The following NDST4 variants were observed in gnomAD, a reference collection of about 807,000 sequenced individuals.
The protein encoded by NDST4 is N-heparan sulfate sulfotransferase 4.
A neutral mutation model predicts 100.8 loss-of-function variants in NDST4; 63 were observed. That is an observed-to-expected ratio of 0.62 (90% CI 0.51 to 0.77). NDST4 has a LOEUF of 0.77. NDST4 is among the 30% of genes least tolerant of loss of function. The probability of loss-of-function intolerance (pLI) is 0.00; values close to 1 mark genes in which losing one functional copy is unlikely to be tolerated. For synonymous variants in NDST4, 377 were observed against 361.8 expected (o/e 1.04, Z -0.48); for missense variants, 943 against 1,018.4 (o/e 0.93, Z 1.01).
intron 1 of NDST4, among the ~76,000 whole-genome samples, chr4:115,100,657 A>G (rs1578521451): frequency 6.6e-6 from 1 of 152,226 alleles, no homozygotes; most frequent in East Asian, 1.9e-4. Flanking sequence ...TATTTCCTTA[A>G]TAACATTAAA....
chr4:115,016,342 C>G (rs1034804124), intron 2 of NDST4, among the ~76,000 whole-genome samples: 18 of 152,062 alleles, frequency 1.2e-4, no homozygotes, highest in African/African-American at 4.1e-4. Flanking sequence ...CTGCTTATCC[C>G]ATAGACAGAA....
At chr4:114,922,564 C>T (rs918033902) in intron 6 of NDST4, among the ~76,000 whole-genome samples, 1 of 152,176 alleles carries the variant, frequency 6.6e-6, no homozygotes, top group Non-Finnish European at 1.5e-5. Flanking sequence ...TGTTCCTGCT[C>T]TAAAGCTTTT....
chr4:115,086,479 A>C (rs1729412263), intron 1 of NDST4, among the ~76,000 whole-genome samples: 1 of 152,042 alleles, frequency 6.6e-6, no homozygotes, highest in African/African-American at 2.4e-5. Context: ...CATAATATAA[A>C]TTTATTTTAG....
chr4:114,988,038 T>G (rs555396404), intron 2 of NDST4, among the ~76,000 whole-genome samples: 250 of 152,238 alleles, frequency 1.6e-3, no homozygotes, highest in African/African-American at 5.9e-3. Context: ...TACAAAGGAG[T>G]GTTTTTCCAT....
rs748576362 is a variant in NDST4 at position 114,848,287 on chromosome 4, T to C, written c.1868A>G (p.Asn623Ser). The C allele has an allele frequency of 1.2e-5, 20 of 1,608,694 alleles. No individual in the cohort carries two copies. The highest frequency in any genetic ancestry group is 1.7e-5 in the Admixed American group (1 of 59,172). Residue 623 changes from asparagine to serine, a missense_variant, in exon 9 of 14, where the codon AAT (asparagine) becomes AGT (serine). Asn to Ser is a conservative substitution (Grantham distance 46, BLOSUM62 1). Transcript: ENST00000264363. ...FLLMHPSIIS[N>S]LPSPKTFEEV... ...CTCAAATGTCTTTGGACTAGGGAGA[T>C]TGCTGATGATTGAAGGATGCATAAG...
chr4:114,909,403 G>A (rs1042003816), intron 6 of NDST4, among the ~76,000 whole-genome samples: 6 of 152,010 alleles, frequency 3.9e-5, no homozygotes, highest in Admixed American at 3.9e-4. Flanking sequence ...GCTCACGCCT[G>A]TAATCCCAGC....
chr4:115,060,638 T>C (rs1216300635), intron 2 of NDST4, among the ~76,000 whole-genome samples: 2 of 151,928 alleles, frequency 1.3e-5, no homozygotes, highest in Non-Finnish European at 2.9e-5. Flanking sequence ...CCACCTTAGG[T>C]ATATGTTAAA....
intron 6 of NDST4, among the ~76,000 whole-genome samples, chr4:114,926,712 A>G (rs1028413986): frequency 1.1e-4 from 17 of 152,114 alleles, no homozygotes; most frequent in Non-Finnish European, 2.9e-5. Flanking sequence ...TTGTTGTGGC[A>G]TTTGCCTTTT....
intron 2 of NDST4, among the ~76,000 whole-genome samples, chr4:115,005,766 C>T (rs1727399865): frequency 6.6e-6 from 1 of 151,538 alleles, no homozygotes; most frequent in Non-Finnish European, 1.5e-5. Context: ...GGGGGCAATC[C>T]AGAAAAAATA....
chr4:114,829,663 T>A (rs868382677), intron 13 of NDST4, 127 bp downstream of exon 13: 5 of 608,094 alleles, frequency 8.2e-6, no homozygotes, highest in African/African-American at 3.7e-5. Context: ...TATCATCCTC[T>A]AAGTATATAA....
chr4:115,071,607 C>G (rs779669405), intron 2 of NDST4, among the ~76,000 whole-genome samples: 1 of 151,688 alleles, frequency 6.6e-6, no homozygotes, highest in Non-Finnish European at 1.5e-5. Context: ...TATTGAACAC[C>G]TCTTTTATAC....
intron 2 of NDST4, among the ~76,000 whole-genome samples, chr4:115,014,529 G>C (rs926515489): frequency 4.6e-5 from 7 of 152,048 alleles, no homozygotes; most frequent in African/African-American, 1.7e-4. Context: ...CCAGCACATT[G>C]ACTTAATGAC....
intron 2 of NDST4, among the ~76,000 whole-genome samples, chr4:115,063,966 C>G (rs771991222): frequency 3.3e-5 from 5 of 151,884 alleles, no homozygotes; most frequent in Non-Finnish European, 5.9e-5. Context: ...CAAGAAATTG[C>G]TCTCAGCTCC....
chr4:114,973,062 A>G (rs973029243), intron 3 of NDST4, among the ~76,000 whole-genome samples: 1 of 152,054 alleles, frequency 6.6e-6, no homozygotes, highest in Non-Finnish European at 1.5e-5. Context: ...CAAACCTTTG[A>G]CACTGGAAAC....
chr4:114,924,915 C>T (rs1214316928), intron 6 of NDST4, among the ~76,000 whole-genome samples: 4 of 151,948 alleles, frequency 2.6e-5, no homozygotes, highest in African/African-American at 9.7e-5. Flanking sequence ...CTTAATCTTT[C>T]CAAATTATAC....
intron 2 of NDST4, among the ~76,000 whole-genome samples, chr4:115,027,246 C>T (rs1283802131): frequency 6.6e-6 from 1 of 152,130 alleles, no homozygotes; most frequent in African/African-American, 2.4e-5. Flanking sequence ...TTTACATGCT[C>T]CCACACATTC....
At chr4:114,968,999 A>G (rs1392547464) in intron 4 of NDST4, among the ~76,000 whole-genome samples, 2 of 152,200 alleles carry the variant, frequency 1.3e-5, no homozygotes, top group Non-Finnish European at 2.9e-5. Context: ...AGATCACACT[A>G]AAATATGAGA....
intron 2 of NDST4, among the ~76,000 whole-genome samples, chr4:114,982,974 C>G (rs1455292936): frequency 6.6e-6 from 1 of 152,178 alleles, no homozygotes; most frequent in Non-Finnish European, 1.5e-5. Context: ...GGTGCAAGCT[C>G]CAAGCCTTGG....
At chr4:114,920,786 A>G (rs901187545) in intron 6 of NDST4, among the ~76,000 whole-genome samples, 1 of 152,170 alleles carries the variant, frequency 6.6e-6, no homozygotes, top group African/African-American at 2.4e-5. Context: ...GTGAAGTTCA[A>G]TGGAGACAGA....
Sources: allele counts gnomAD v4.1 joint callset (sites outside exome capture counted in the v4.1 genomes callset), GRCh38; gene constraint gnomAD v4.1.1; transcripts MANE v1.5; gene names NCBI Gene and HGNC (gene_info 2026-07-23, HGNC 2026-07-21).